The following QTMAN variants were observed in gnomAD, a reference collection of about 807,000 sequenced individuals.
QTMAN encodes the protein queuosine-tRNA mannosyltransferase.
chr2:143,987,058 C>G, the QTMAN span, among the ~76,000 whole-genome samples: 1 of 152,220 alleles, frequency 6.6e-6, no homozygotes, highest in Non-Finnish European at 1.5e-5. Flanking sequence ...TCCTCCATTT[C>G]ACATTTGCTG....
At chr2:143,954,213 G>GAT in the QTMAN span, among the ~76,000 whole-genome samples, 2 of 151,954 alleles carry the variant, frequency 1.3e-5, no homozygotes, top group African/African-American at 4.8e-5. Flanking sequence ...ATAAACCAGT[G>GAT]ATACTCTTTA....
chr2:144,031,225 G>A, the QTMAN span, among the ~76,000 whole-genome samples: 1 of 151,692 alleles, frequency 6.6e-6, no homozygotes, highest in African/African-American at 2.4e-5. Context: ...GTTCTAAGTT[G>A]CCACCAGAAT....
chr2:144,082,679 G>T, the QTMAN span, among the ~76,000 whole-genome samples: 2 of 152,232 alleles, frequency 1.3e-5, no homozygotes, highest in African/African-American at 4.8e-5. Context: ...TACAGATGAA[G>T]AAATTAAGGC....
At chr2:144,001,877 T>C in the QTMAN span, among the ~76,000 whole-genome samples, 1 of 151,894 alleles carries the variant, frequency 6.6e-6, no homozygotes, top group African/African-American at 2.4e-5. Context: ...AACTACAAAT[T>C]AGGCAATTCC....
chr2:144,046,888 T>C, the QTMAN span, among the ~76,000 whole-genome samples: 2 of 152,226 alleles, frequency 1.3e-5, no homozygotes, highest in Non-Finnish European at 2.9e-5. Flanking sequence ...AAACCACATG[T>C]GGAGTATTGG....
chr2:144,145,697 A>G, the QTMAN span: 8 of 1,611,558 alleles, frequency 5.0e-6, no homozygotes, highest in Non-Finnish European at 6.8e-6. Context: ...GCCGAAGGGC[A>G]GCCAGTTCGG....
the QTMAN span, among the ~76,000 whole-genome samples, chr2:144,298,202 T>A: frequency 6.6e-6 from 1 of 151,750 alleles, no homozygotes; most frequent in Non-Finnish European, 1.5e-5. Context: ...GTATTTTTAG[T>A]AGAGATGGGG....
the QTMAN span, among the ~76,000 whole-genome samples, chr2:144,299,991 T>C: frequency 6.6e-6 from 1 of 152,260 alleles, no homozygotes; most frequent in Non-Finnish European, 1.5e-5. Flanking sequence ...GAAGACATTA[T>C]ACTAAGTAAA....
chr2:144,315,473 T>C, the QTMAN span, among the ~76,000 whole-genome samples: 15 of 152,324 alleles, frequency 9.8e-5, no homozygotes, highest in South Asian at 2.1e-4. Flanking sequence ...CTGGTCACCT[T>C]TGACCACCAT....
At chr2:143,988,796 C>G in the QTMAN span, among the ~76,000 whole-genome samples, 37 of 152,302 alleles carry the variant, frequency 2.4e-4, no homozygotes, top group Non-Finnish European at 5.1e-4. Flanking sequence ...CTCCTTACCC[C>G]TTGTAAATAT....
At chr2:144,088,788 A>G in the QTMAN span, among the ~76,000 whole-genome samples, 1 of 152,048 alleles carries the variant, frequency 6.6e-6, no homozygotes, top group Non-Finnish European at 1.5e-5. Context: ...ATAAAACTAG[A>G]TGACTATCTC....
the QTMAN span, chr2:144,128,388 A>G: frequency 1.5e-4 from 23 of 152,110 alleles, no homozygotes; most frequent in Admixed American, 1.5e-3. Context: ...TCATCTCAAA[A>G]TGAGTTACAG....
At chr2:144,167,406 T>C in the QTMAN span, among the ~76,000 whole-genome samples, 1 of 152,088 alleles carries the variant, frequency 6.6e-6, no homozygotes, top group Non-Finnish European at 1.5e-5. Context: ...TGCTATTACT[T>C]TTAACCCAGT....
chr2:144,054,003 C>T, the QTMAN span, among the ~76,000 whole-genome samples: 2 of 151,608 alleles, frequency 1.3e-5, no homozygotes, highest in Admixed American at 6.6e-5. Flanking sequence ...CTGGCTAACA[C>T]GGTGAAACCC....
At chr2:144,036,359 T>C in the QTMAN span, among the ~76,000 whole-genome samples, 2 of 152,212 alleles carry the variant, frequency 1.3e-5, no homozygotes, top group African/African-American at 4.8e-5. Context: ...TTGTTTTCAA[T>C]AGTTCTTCTT....
the QTMAN span, among the ~76,000 whole-genome samples, chr2:144,173,062 C>CA: frequency 6.6e-6 from 1 of 151,970 alleles, no homozygotes; most frequent in Non-Finnish European, 1.5e-5. Flanking sequence ...TTTCTTTCAG[C>CA]GTTTTGAAGG....
the QTMAN span, among the ~76,000 whole-genome samples, chr2:144,267,979 T>C: frequency 6.6e-6 from 1 of 152,052 alleles, no homozygotes; most frequent in African/African-American, 2.4e-5. Flanking sequence ...GGTGATACAG[T>C]TTGAATATTA....
the QTMAN span, among the ~76,000 whole-genome samples, chr2:144,137,634 C>T: frequency 6.6e-6 from 1 of 152,116 alleles, no homozygotes; most frequent in African/African-American, 2.4e-5. Context: ...TCCTGCTCTG[C>T]CTATATCTAG....
At chr2:144,311,484 T>A in the QTMAN span, among the ~76,000 whole-genome samples, 1 of 152,192 alleles carries the variant, frequency 6.6e-6, no homozygotes, top group East Asian at 1.9e-4. Flanking sequence ...ACTGCAAAGA[T>A]GACATAAAAA....
Sources: gnomAD v4.1 joint callset for allele counts (sites outside exome capture counted in the v4.1 genomes callset) on GRCh38, gnomAD v4.1.1 for gene constraint, MANE v1.5 for transcripts, NCBI Gene and HGNC (gene_info 2026-07-23, HGNC 2026-07-21) for gene names.